Variants in TRPM3 observed in about 807,000 individuals in gnomAD.
The protein encoded by TRPM3 is transient receptor potential cation channel subfamily M member 3.
A neutral mutation model predicts 181.2 loss-of-function variants in TRPM3; 77 were observed. The ratio of observed to expected loss-of-function variants is 0.42; its 90% CI spans 0.35 to 0.51. The LOEUF (loss-of-function observed/expected upper bound fraction) is 0.51, where lower values mean the gene tolerates loss of function less well. Among genes scored for constraint, TRPM3 ranks in the 20% least tolerant of loss-of-function variants. TRPM3 has a pLI of 0.01. For missense variants in TRPM3, 1,759 were observed against 2,196.7 expected, an observed-to-expected ratio of 0.80 and a Z score of 3.98; for synonymous variants, 745 against 796.4, an observed-to-expected ratio of 0.94 and a Z score of 1.09.
intron 1 of TRPM3, among the ~76,000 whole-genome samples, chr9:71,428,397 C>A (rs1262123164): frequency 6.6e-6 from 1 of 151,798 alleles, no homozygotes; most frequent in Non-Finnish European, 1.5e-5. Flanking sequence ...CGCCAGTCAG[C>A]CTGTTTTTTT....
chr9:71,097,078 G>A (rs541249796), intron 1 of TRPM3, among the ~76,000 whole-genome samples: 1 of 152,150 alleles, frequency 6.6e-6, no homozygotes. Flanking sequence ...TCCCGACTCT[G>A]GCAGCTTTCA....
At chr9:70,822,293 C>T (rs1277740687) in intron 6 of TRPM3, among the ~76,000 whole-genome samples, 1 of 152,152 alleles carries the variant, frequency 6.6e-6, no homozygotes, top group Non-Finnish European at 1.5e-5. Flanking sequence ...TTTCTGTAAA[C>T]ACTCCTTAGG....
At chr9:71,332,376 GGT>G (rs3041716) in intron 1 of TRPM3, among the ~76,000 whole-genome samples, 5,476 of 142,032 alleles carry the variant, frequency 0.039, 297 homozygotes, top group African/African-American at 0.11. Flanking sequence ...TTCAATGTTG[GGT>G]GTGTGTGTGT....
At chr9:71,145,299 A>G (rs1440629552) in intron 1 of TRPM3, among the ~76,000 whole-genome samples, 3 of 152,188 alleles carry the variant, frequency 2.0e-5, no homozygotes, top group Non-Finnish European at 4.4e-5. Context: ...GAGCTAATAC[A>G]CACCAGAGGT....
intron 1 of TRPM3, among the ~76,000 whole-genome samples, chr9:71,201,484 C>T (rs1162388194): frequency 8.5e-5 from 13 of 152,176 alleles, no homozygotes; most frequent in South Asian, 2.1e-4. Context: ...AACTTGGTTC[C>T]ATTCTCCCCA....
At chr9:71,444,826 T>G (rs150653984) in intron 1 of TRPM3, among the ~76,000 whole-genome samples, 485 of 152,324 alleles carry the variant, frequency 3.2e-3, no homozygotes, top group Middle Eastern at 6.8e-3. Flanking sequence ...CTCACTATCT[T>G]TGTTTAAAAC....
At chr9:70,964,784 G>A (rs1049378783) in intron 1 of TRPM3, among the ~76,000 whole-genome samples, 7 of 151,988 alleles carry the variant, frequency 4.6e-5, no homozygotes, top group Admixed American at 4.6e-4. Flanking sequence ...TTCTGCTTAG[G>A]TGTCTAGTTC....
intron 1 of TRPM3, among the ~76,000 whole-genome samples, chr9:71,137,252 AAAGATT>A (rs936903660): frequency 1.3e-5 from 2 of 152,222 alleles, no homozygotes; most frequent in African/African-American, 4.8e-5. Flanking sequence ...TCAAAAAAAT[AAAGATT>A]AAGTACCATC....
intron 1 of TRPM3, among the ~76,000 whole-genome samples, chr9:71,079,564 A>G (rs553315787): frequency 6.6e-6 from 1 of 152,248 alleles, no homozygotes; most frequent in East Asian, 1.9e-4. Flanking sequence ...TTCATCTTGC[A>G]TATTCAGAAC....
At chr9:71,341,853 C>A (rs1042107900) in intron 1 of TRPM3, among the ~76,000 whole-genome samples, 3 of 151,628 alleles carry the variant, frequency 2.0e-5, no homozygotes, top group African/African-American at 7.3e-5. Context: ...GTATCTTCTG[C>A]ATTAAAAAAA....
chr9:70,643,395 C>T (rs538990942), intron 9 of TRPM3, among the ~76,000 whole-genome samples: 16 of 152,194 alleles, frequency 1.1e-4, no homozygotes, highest in Non-Finnish European at 2.1e-4. Flanking sequence ...ATAATAGCAG[C>T]ACGAGCCTGA....
Position 70,661,090 on chromosome 9 carries a change from T to C in TRPM3, c.1345+20416A>G, listed in dbSNP as rs144750304. ...ATATCACAAAGATAATGCATCATGA[T>C]CAAGTGGTTTCATACCAGGAATGCA... On this transcript the variant is annotated intron_variant, in intron 9 of 25. Transcript: ENST00000677713. Among the ~76,000 whole-genome samples, 1,304 of 152,158 alleles carry C rather than the reference T, an allele frequency of 8.6e-3. 7 individuals carry two copies. The highest frequency in any genetic ancestry group is 0.024 in the Middle Eastern group (7 of 294).
intron 1 of TRPM3, among the ~76,000 whole-genome samples, chr9:71,290,847 A>G (rs969093151): frequency 3.9e-5 from 6 of 152,112 alleles, no homozygotes; most frequent in Admixed American, 1.3e-4. Flanking sequence ...AAAGAATGAC[A>G]TAAGTGTATA....
chr9:71,218,876 T>C (rs944901273), intron 1 of TRPM3, among the ~76,000 whole-genome samples: 2 of 152,170 alleles, frequency 1.3e-5, no homozygotes, highest in Non-Finnish European at 2.9e-5. Flanking sequence ...GGATACAAAA[T>C]AGATAAGGCC....
intron 1 of TRPM3, among the ~76,000 whole-genome samples, chr9:71,069,443 C>T (rs1303173291): frequency 6.6e-6 from 1 of 152,114 alleles, no homozygotes; most frequent in Non-Finnish European, 1.5e-5. Flanking sequence ...TCCCAAAGTG[C>T]TGGGATTACA....
intron 1 of TRPM3, among the ~76,000 whole-genome samples, chr9:71,196,747 C>G (rs187904366): frequency 7.2e-5 from 11 of 152,020 alleles, no homozygotes; most frequent in African/African-American, 1.9e-4. Context: ...GTAGGACTTA[C>G]ATGTGTTTCA....
chr9:71,002,283 G>A (rs2097613452), intron 1 of TRPM3, among the ~76,000 whole-genome samples: 1 of 152,128 alleles, frequency 6.6e-6, no homozygotes, highest in South Asian at 2.1e-4. Context: ...CATGTACTAG[G>A]TCACTGTTGT....
chr9:70,989,902 G>A (rs2097460232), intron 1 of TRPM3, among the ~76,000 whole-genome samples: 1 of 152,146 alleles, frequency 6.6e-6, no homozygotes, highest in African/African-American at 2.4e-5. Flanking sequence ...TGTAAACAGT[G>A]AGAATAACAC....
chr9:70,753,535 T>G (rs1446640876), intron 8 of TRPM3, among the ~76,000 whole-genome samples: 1 of 152,054 alleles, frequency 6.6e-6, no homozygotes, highest in African/African-American at 2.4e-5. Flanking sequence ...ATAGAGTAAT[T>G]GACAGGTGAG....
Sources: gnomAD v4.1 joint callset for allele counts (sites outside exome capture counted in the v4.1 genomes callset) on GRCh38, gnomAD v4.1.1 for gene constraint, MANE v1.5 for transcripts, NCBI Gene and HGNC (gene_info 2026-07-23, HGNC 2026-07-21) for gene names.